Variants in TFAP2A observed in about 807,000 individuals in gnomAD.
The protein encoded by TFAP2A is transcription factor AP-2 alpha, also known as transcription factor AP-2-alpha.
In TFAP2A, 7 loss-of-function variants were observed where a neutral mutation model predicts 41.5. The ratio of observed to expected loss-of-function variants is 0.17; its 90% CI spans 0.10 to 0.32. TFAP2A has a LOEUF of 0.32. TFAP2A is among the 10% of genes least tolerant of loss of function. TFAP2A has a pLI of 1.00. For synonymous variants in TFAP2A, 247 were observed against 242.8 expected (o/e 1.02, Z -0.16); for missense variants, 416 against 563.3 (o/e 0.74, Z 2.65).
chr6:10,407,609 G>A (rs1255779836), intron 2 of TFAP2A: 1 of 151,640 alleles, frequency 6.6e-6, no homozygotes, highest in East Asian at 1.9e-4. Context: ...AAACTGACAG[G>A]CAATATAATG....
upstream of TFAP2A, chr6:10,417,283 C>T (rs780723153): frequency 6.6e-6 from 1 of 152,420 alleles, no homozygotes; most frequent in Non-Finnish European, 1.5e-5. Flanking sequence ...CGCTGCCCCG[C>T]GCCCAACAGA....
At chr6:10,407,498 TTC>T in intron 2 of TFAP2A, 1 of 149,404 alleles carries the variant, frequency 6.7e-6, no homozygotes, top group East Asian at 1.9e-4. Flanking sequence ...TCTTTTTCTT[TTC>T]TTTTTTTTTT....
Position 10,397,340 on chromosome 6 carries a change from T to C in TFAP2A, c.*1077A>G, listed in dbSNP as rs1026734969. On this transcript the variant is annotated 3_prime_UTR_variant, in exon 7 of 7. Transcript: ENST00000379613. ...GTGGAATAAAATAAACTTTTTTTTT[T>C]CTCCCTACAATACATAGAAGGGTTA... is the stretch of plus-strand genomic sequence containing the variant. 5 of 152,168 alleles carry C rather than the reference T, an allele frequency of 3.3e-5. 1 individual carries two copies. The highest frequency in any genetic ancestry group is 7.4e-5 in the Non-Finnish European group (5 of 68,018). 9.4% of individuals were successfully genotyped at this position (152,168 alleles called of 1,614,324 possible).
upstream of TFAP2A, chr6:10,416,976 C>G (rs892358656): frequency 1.3e-5 from 2 of 152,616 alleles, no homozygotes; most frequent in African/African-American, 4.8e-5. Flanking sequence ...CGCCGCCCTC[C>G]GTCCAGAAAA....
rs1282888127 is a variant in TFAP2A at position 10,397,980 on chromosome 6, G to A, written c.*437C>T. 1.9e-6 allele frequency: 2 copies of A among 1,042,936 alleles called. No homozygotes were observed. The highest frequency in any genetic ancestry group is 2.3e-6 in the Non-Finnish European group (2 of 865,622). 64.6% of individuals were successfully genotyped at this position (1,042,936 alleles called of 1,614,324 possible). ...GTATGTAAGGGAAGGTGGTGACTCA[G>A]TCCCATGAAGCGCATATAATTTTTT... On this transcript the variant is annotated 3_prime_UTR_variant, in exon 7 of 7. Coordinates refer to ENST00000379613, the MANE Select transcript of TFAP2A (RefSeq NM_001372066.1).
chr6:10,419,601 C>T (rs1232554205), upstream of TFAP2A: 4 of 937,154 alleles, frequency 4.3e-6, no homozygotes, highest in African/African-American at 1.6e-5. Context: ...TTGCTACCTG[C>T]CGACGCATGC....
At chr6:10,416,680 G>A (rs1001230607), upstream of TFAP2A, among the ~76,000 whole-genome samples, 1 of 152,186 alleles carries the variant, frequency 6.6e-6, no homozygotes, top group East Asian at 1.9e-4. Context: ...CCTAAAAGGG[G>A]ATGGGAACTG....
rs548466988 is a variant in TFAP2A at position 10,404,423 on chromosome 6, T to C, written c.770+85A>G. ...AGGGAGGGCCGCGGCGCGAGGCCTG[T>C]TTGCGTCGCCGCCACCGCCCCGGCG... On this transcript the variant is annotated intron_variant, in intron 4 of 6. Coordinates refer to ENST00000379613, the MANE Select transcript of TFAP2A (RefSeq NM_001372066.1). The C allele has an allele frequency of 2.2e-4, 220 of 990,444 alleles. 3 individuals are homozygous for C. In the South Asian group the frequency reaches 6.0e-3, roughly 27 times the overall value. 61.4% of individuals were successfully genotyped at this position (990,444 alleles called of 1,614,324 possible). A position where few individuals can be genotyped will look rare whatever the true frequency, so the allele number is the denominator to read the frequency against.
At chr6:10,406,563 TTAAAC>T (rs1757722940) in intron 3 of TFAP2A, 6 of 573,308 alleles carry the variant, frequency 1.0e-5, no homozygotes, top group Middle Eastern at 9.4e-4. Flanking sequence ...CCAAATATCA[TTAAAC>T]TAAATTAAAT....
chr6:10,405,613 A>G (rs1238526006), intron 3 of TFAP2A: 1 of 152,202 alleles, frequency 6.6e-6, no homozygotes, highest in East Asian at 1.9e-4. Flanking sequence ...ACCTGCAGAA[A>G]GTATACTAAT....
chr6:10,407,659 TAGA>T (rs1757782253), intron 2 of TFAP2A: 1 of 152,196 alleles, frequency 6.6e-6, no homozygotes, highest in Admixed American at 6.5e-5. Context: ...GCTGCTGAGA[TAGA>T]AGATTTTGCA....
Position 10,404,669 on chromosome 6 carries a change from G to T in TFAP2A, c.609C>A (p.Phe203Leu), listed in dbSNP as rs772033707. ...SAIPINKDNL[F>L]GGVVNPNEVF... is the part of the protein sequence containing the mutation. Reference sequence around the variant, plus strand: ...CTTCGTTGGGGTTCACCACGCCGCCGAAGAGGTTGTCCTTGTTAATAGGGA... The same window carrying T: ...CTTCGTTGGGGTTCACCACGCCGCCTAAGAGGTTGTCCTTGTTAATAGGGA... The change falls in exon 4 of 7, where the codon TTC becomes TTA. Residue 203 changes from phenylalanine (F) to leucine (L), a missense_variant. Physicochemically the swap from Phe to Leu is conservative, Grantham distance 22. This residue lies in a region of TFAP2A where 241 missense variants were observed against 274.1 expected (regional missense o/e 0.88). Coordinates refer to ENST00000379613, the MANE Select transcript of TFAP2A (RefSeq NM_001372066.1). The T allele has an allele frequency of 1.2e-6, 2 of 1,614,222 alleles. No individual in the cohort carries two copies. Among genetic ancestry groups the T allele is most frequent in the Non-Finnish European group, 8.5e-7 (1 of 1,180,032 alleles).
chr6:10,400,853 C>G, intron 5 of TFAP2A: 1 of 649,318 alleles, frequency 1.5e-6, no homozygotes, highest in Non-Finnish European at 2.8e-6. Context: ...TCCCATCCCC[C>G]ACCCTAAATG....
At chr6:10,418,158 T>C (rs185210500), upstream of TFAP2A, 1 of 152,204 alleles carries the variant, frequency 6.6e-6, no homozygotes, top group South Asian at 2.1e-4. Context: ...AACTTGCGGA[T>C]GAAATACCAT....
upstream of TFAP2A, among the ~76,000 whole-genome samples, chr6:10,417,407 C>CA (rs1264311265): frequency 2.0e-5 from 3 of 152,206 alleles, no homozygotes; most frequent in Non-Finnish European, 2.9e-5. Flanking sequence ...CCGGTGTAGG[C>CA]GCTGATGAAA....
rs1761876332 is a variant in TFAP2A, at chr6:10,398,465, C to T, written c.1272G>A (p.Thr424=). 3 of 1,614,070 alleles carry T rather than the reference C, an allele frequency of 1.9e-6. No individual in the cohort carries two copies. Among genetic ancestry groups the T allele is most frequent in the East Asian group, 2.2e-5 (1 of 44,898 alleles). The change falls in exon 7 of 7, where the codon ACG becomes ACA. Residue 424 remains threonine (T), a synonymous_variant. Transcript: ENST00000379613. This position sits in a 1 kb window ranked among gnomAD's most constrained non-coding sequence, Gnocchi z 5.3. ...MYLSNNPNSH[T]DNNAKSSDKE... is the part of the protein sequence containing the mutation. ...TGTCACTGCTTTTGGCGTTGTTGTC[C>T]GTGTGGCTGTTGGGGTTGTTGCTGA...
chr6:10,410,104 G>A lies in TFAP2A; in HGVS notation c.283C>T (p.His95Tyr). The change falls in exon 2 of 7, where the codon CAC (histidine) becomes TAC (tyrosine). Residue 95 changes from histidine to tyrosine, a missense_variant. Physicochemically the swap from His to Tyr is moderately conservative, Grantham distance 83 (BLOSUM62 2). Transcript: ENST00000379613. ...TGCCTCTGGCCGGGCCAGCCTGGGT[G>A]CTGCGGCTGCGGCTGGGCGTGCAGG... Reference protein sequence around the residue: ...NPLHAQPQPQHPGWPGQRQSQ... With the variant: ...NPLHAQPQPQYPGWPGQRQSQ... The A allele has an allele frequency of 1.2e-6, 2 of 1,612,810 alleles. No homozygotes were observed. The highest frequency in any genetic ancestry group is 2.2e-5 in the East Asian group (1 of 44,858).
Position 10,398,099 on chromosome 6 carries a change from C to A in TFAP2A, c.*318G>T, listed in dbSNP as rs1024324181. 79 of 1,212,480 alleles carry A rather than the reference C, an allele frequency of 6.5e-5. No individual in the cohort carries two copies. Among genetic ancestry groups the A allele is most frequent in the Admixed American group, 2.1e-4 (5 of 24,306 alleles). The allele number at this position is 1,212,480 out of a possible 1,614,324, so 75.1% of individuals were successfully genotyped here. A position where few individuals can be genotyped will look rare whatever the true frequency, so the allele number is the denominator to read the frequency against. ...TGTTTTGTTTAAAAAAAAAAGGGTT[C>A]ACAAACTTGGCAGAACTTTTCTCTG... is the stretch of plus-strand genomic sequence containing the variant. On this transcript the variant is annotated 3_prime_UTR_variant, in exon 7 of 7. Coordinates refer to ENST00000379613, the MANE Select transcript of TFAP2A (RefSeq NM_001372066.1). This position sits in a 1 kb window ranked among gnomAD's most constrained non-coding sequence, Gnocchi z 5.3.
intron 1 of TFAP2A, chr6:10,412,036 T>A: frequency 1.9e-6 from 2 of 1,048,772 alleles, no homozygotes; most frequent in African/African-American, 1.7e-5. Context: ...CAGATATTCA[T>A]GACTATTAAT....
Sources: gnomAD v4.1 joint callset for allele counts (sites outside exome capture counted in the v4.1 genomes callset) on GRCh38, gnomAD v4.1.1 for gene constraint, gnomAD v4.1.1 regional missense constraint, Gnocchi (gnomAD v3.1) non-coding constraint, MANE v1.5 for transcripts, NCBI Gene and HGNC (gene_info 2026-07-23, HGNC 2026-07-21) for gene names.